RAB3C: variants seen among roughly 807,000 people sequenced by gnomAD.
The protein encoded by RAB3C is RAB3C, member RAS oncogene family.
Under a neutral mutation model 26.4 loss-of-function variants are expected in RAB3C, and 17 were observed. The observed-to-expected ratio is 0.64, with a 90% CI of 0.44 to 0.97. The LOEUF (loss-of-function observed/expected upper bound fraction) is 0.97, where lower values mean the gene tolerates loss of function less well. Among genes scored for constraint, RAB3C ranks in the 50% least tolerant of loss-of-function variants. The probability of loss-of-function intolerance (pLI) is 0.00; values close to 1 mark genes in which losing one functional copy is unlikely to be tolerated. For missense variants in RAB3C, 242 were observed against 281.9 expected, an observed-to-expected ratio of 0.86 and a Z score of 1.01; for synonymous variants, 91 against 95.9, an observed-to-expected ratio of 0.95 and a Z score of 0.30.
At chr5:58,604,368 T>C (rs1746517773) in intron 1 of RAB3C, among the ~76,000 whole-genome samples, 1 of 152,166 alleles carries the variant, frequency 6.6e-6, no homozygotes, top group Non-Finnish European at 1.5e-5. Flanking sequence ...GCCTTAGACC[T>C]CCCAAGATTA....
At chr5:58,653,824 A>T (rs2111791837) in intron 2 of RAB3C, among the ~76,000 whole-genome samples, 1 of 152,342 alleles carries the variant, frequency 6.6e-6, no homozygotes, top group South Asian at 2.1e-4. Flanking sequence ...AGTTGAAGTC[A>T]TAGAAAGATA....
At chr5:58,624,231 A>G (rs1245628986) in intron 2 of RAB3C, among the ~76,000 whole-genome samples, 1 of 152,276 alleles carries the variant, frequency 6.6e-6, no homozygotes, top group East Asian at 1.9e-4. Context: ...CACTGCTGCT[A>G]TAAATGGTCC....
At chr5:58,613,003 G>T (rs1057160302) in intron 1 of RAB3C, among the ~76,000 whole-genome samples, 3 of 152,050 alleles carry the variant, frequency 2.0e-5, no homozygotes, top group African/African-American at 7.2e-5. Context: ...CCACAGAATG[G>T]CTTAGTACAG....
intron 1 of RAB3C, among the ~76,000 whole-genome samples, chr5:58,585,422 A>G (rs1253702191): frequency 1.3e-5 from 2 of 152,018 alleles, no homozygotes; most frequent in Admixed American, 1.3e-4. Context: ...ACTGAACCAC[A>G]TCATCATTTT....
intron 1 of RAB3C, among the ~76,000 whole-genome samples, chr5:58,595,939 A>G (rs778247005): frequency 1.1e-4 from 17 of 152,132 alleles, no homozygotes; most frequent in Admixed American, 6.6e-5. Flanking sequence ...AGAAAGTGTG[A>G]ATGTCAAGAA....
At chr5:58,720,600 C>A (rs1740728727) in intron 2 of RAB3C, among the ~76,000 whole-genome samples, 1 of 151,842 alleles carries the variant, frequency 6.6e-6, no homozygotes, top group African/African-American at 2.4e-5. Context: ...CTGTTCCCAG[C>A]CCCCATTTCT....
chr5:58,600,966 A>C (rs565867434), intron 1 of RAB3C, among the ~76,000 whole-genome samples: 1 of 152,232 alleles, frequency 6.6e-6, no homozygotes, highest in South Asian at 2.1e-4. Flanking sequence ...ATTCAGTGTT[A>C]TGTTGGCTGT....
chr5:58,764,093 CA>C (rs1213237860), intron 3 of RAB3C, among the ~76,000 whole-genome samples: 5 of 152,100 alleles, frequency 3.3e-5, no homozygotes, highest in African/African-American at 1.2e-4. Context: ...TATCATATAT[CA>C]AATTTTGATA....
At chr5:58,645,548 C>G in intron 2 of RAB3C, among the ~76,000 whole-genome samples, 1 of 152,202 alleles carries the variant, frequency 6.6e-6, no homozygotes. Flanking sequence ...CATGAACATC[C>G]ACCCTTTGCC....
intron 2 of RAB3C, among the ~76,000 whole-genome samples, chr5:58,669,389 G>C (rs1348097057): frequency 6.6e-6 from 1 of 152,112 alleles, no homozygotes; most frequent in East Asian, 1.9e-4. Context: ...GGTCACACCA[G>C]ACCACACCCA....
chr5:58,855,019 A>T lies in RAB3C; in HGVS notation c.*3668A>T, dbSNP rs978028636. ...TTCTTCTCTTTTAAAAGTTAAATAC[A>T]TTCCACTATTAACTGAACTTCCATG... On this transcript the variant is annotated 3_prime_UTR_variant, in exon 5 of 5. Coordinates refer to ENST00000282878, the MANE Select transcript of RAB3C (RefSeq NM_138453.4). 6.6e-6 allele frequency: 1 copy of T among 152,204 alleles called. No individual in the cohort carries two copies. The highest frequency in any genetic ancestry group is 2.4e-5 in the African/African-American group (1 of 41,452). The allele number at this position is 152,204 out of a possible 1,614,324, so 9.4% of individuals were successfully genotyped here. A position where few individuals can be genotyped will look rare whatever the true frequency, so the allele number is the denominator to read the frequency against.
At chr5:58,813,396 C>G (rs898398017) in intron 3 of RAB3C, among the ~76,000 whole-genome samples, 1 of 151,784 alleles carries the variant, frequency 6.6e-6, no homozygotes, top group African/African-American at 2.4e-5. Context: ...ATTTAGGCCT[C>G]CAGTCTGCCT....
chr5:58,691,095 A>C (rs1169090638), intron 2 of RAB3C, among the ~76,000 whole-genome samples: 1 of 150,890 alleles, frequency 6.6e-6, no homozygotes, highest in African/African-American at 2.5e-5. Context: ...CACAATTTCC[A>C]GTAAAAAAAA....
chr5:58,682,755 C>A (rs1579855363), intron 2 of RAB3C, among the ~76,000 whole-genome samples: 1 of 150,124 alleles, frequency 6.7e-6, no homozygotes, highest in African/African-American at 2.4e-5. Flanking sequence ...TGGTATATAA[C>A]TATTATGAGG....
chr5:58,813,686 A>G, intron 3 of RAB3C, among the ~76,000 whole-genome samples: 1 of 69,768 alleles, frequency 1.4e-5, no homozygotes, highest in South Asian at 3.9e-4. Flanking sequence ...TTATCCAAAT[A>G]TAAAATAAAC....
intron 2 of RAB3C, among the ~76,000 whole-genome samples, chr5:58,678,136 T>A (rs1318002278): frequency 6.6e-6 from 1 of 152,156 alleles, no homozygotes; most frequent in Non-Finnish European, 1.5e-5. Context: ...AATGATTGTT[T>A]GGGGTCTATT....
At chr5:58,778,100 T>C (rs1742189908) in intron 3 of RAB3C, among the ~76,000 whole-genome samples, 1 of 152,118 alleles carries the variant, frequency 6.6e-6, no homozygotes, top group Non-Finnish European at 1.5e-5. Flanking sequence ...TTTTTATTTT[T>C]GGAAAAAAAC....
chr5:58,586,473 A>G (rs1467419293), intron 1 of RAB3C, among the ~76,000 whole-genome samples: 2 of 152,278 alleles, frequency 1.3e-5, no homozygotes, highest in East Asian at 1.9e-4. Flanking sequence ...TCTTCTTCTT[A>G]TAAAATAAAC....
chr5:58,710,183 A>C (rs1349663274), intron 2 of RAB3C, among the ~76,000 whole-genome samples: 1 of 152,166 alleles, frequency 6.6e-6, no homozygotes, highest in African/African-American at 2.4e-5. Context: ...TCATCCCACT[A>C]TGGTTTTAGA....
Sources: gnomAD v4.1 joint callset for allele counts (sites outside exome capture counted in the v4.1 genomes callset) on GRCh38, gnomAD v4.1.1 for gene constraint, MANE v1.5 for transcripts, NCBI Gene and HGNC (gene_info 2026-07-23, HGNC 2026-07-21) for gene names.